The following FBXL4 variants were observed in gnomAD, a reference collection of about 807,000 sequenced individuals.
The protein encoded by FBXL4 is F-box/LRR-repeat protein 4.
FBXL4 carries 40 observed loss-of-function variants against 58.9 expected under a neutral mutation model. The observed-to-expected ratio is 0.68, with a 90% confidence interval of 0.53 to 0.88. The LOEUF is 0.88. Ranked by LOEUF, FBXL4 falls within the 40% of genes least tolerant of loss-of-function variation. FBXL4 has a pLI of 0.00. For missense variants in FBXL4, 676 were observed against 734.4 expected (o/e 0.92, Z 0.92); for synonymous variants, 263 against 265.5 (o/e 0.99, Z 0.09).
At position 98,871,733 on chromosome 6, in the gene FBXL4, A is replaced by G. The variant is rs1582353246; in HGVS notation, c.*2545T>C. 6.6e-6 allele frequency: 1 copy of G among 152,194 alleles called. No individual in the cohort carries two copies. Among genetic ancestry groups the G allele is most frequent in the South Asian group, 2.1e-4 (1 of 4,828 alleles). The allele number at this position is 152,194 out of a possible 1,614,324, so 9.4% of individuals were successfully genotyped here. A position where few individuals can be genotyped will look rare whatever the true frequency, so the allele number is the denominator to read the frequency against. On this transcript the variant is annotated 3_prime_UTR_variant, in exon 10 of 10. Coordinates refer to ENST00000369244, the MANE Select transcript of FBXL4 (RefSeq NM_001278716.2). The stretch of plus-strand genomic sequence containing the variant: ...GCAATGGTGAACTTCATTTGCTCTC[A>G]TAGTTTCTGATAGATTAAACATCAA...
chr6:98,947,585 C>T (rs1773671436), intron 1 of FBXL4, among the ~76,000 whole-genome samples: 1 of 152,208 alleles, frequency 6.6e-6, no homozygotes, highest in African/African-American at 2.4e-5. Flanking sequence ...GCCCGAGGCA[C>T]GTCAGCAGTT....
chr6:98,896,984 C>T (rs1771432768), intron 7 of FBXL4: 2 of 984,964 alleles, frequency 2.0e-6, no homozygotes, highest in Non-Finnish European at 2.4e-6. Context: ...CATTACTATA[C>T]AACATTTCAA....
In FBXL4 at chr6:98,871,081, C is replaced by T. The variant is rs889987461; in HGVS notation, c.*3197G>A. 1 of 79,446 alleles carries T rather than the reference C, an allele frequency of 1.3e-5. No individual in the cohort carries two copies. The highest frequency in any genetic ancestry group is 4.5e-5 in the African/African-American group (1 of 22,428). The allele number at this position is 79,446 out of a possible 1,614,324, so 4.9% of individuals were successfully genotyped here. A position where few individuals can be genotyped will look rare whatever the true frequency, so the allele number is the denominator to read the frequency against. Reference sequence around the variant, plus strand: ...TGGGCAAAAGAATGAGACTCAGTCTCAAAAAAAAAAAAAAACAAACTCAAA... The same window carrying T: ...TGGGCAAAAGAATGAGACTCAGTCTTAAAAAAAAAAAAAAACAAACTCAAA... On this transcript the variant is annotated 3_prime_UTR_variant, in exon 10 of 10. Transcript: ENST00000369244.
At chr6:98,910,422 G>A (rs558434293) in intron 5 of FBXL4, among the ~76,000 whole-genome samples, 1 of 152,302 alleles carries the variant, frequency 6.6e-6, no homozygotes, top group South Asian at 2.1e-4. Context: ...GGGAGGCCAA[G>A]GTGAGTGGAT....
intron 6 of FBXL4, 55 bp downstream of exon 6, chr6:98,905,371 T>C (rs541354990): frequency 7.6e-6 from 12 of 1,579,978 alleles, no homozygotes; most frequent in Admixed American, 3.6e-5. Flanking sequence ...CACTACATAA[T>C]AAGTATAACC....
intron 2 of FBXL4, among the ~76,000 whole-genome samples, chr6:98,932,609 A>T (rs1480452835): frequency 6.6e-6 from 1 of 152,228 alleles, no homozygotes; most frequent in African/African-American, 2.4e-5. Flanking sequence ...GCTGCCGAGA[A>T]GTCGGCTTGT....
intron 2 of FBXL4, among the ~76,000 whole-genome samples, chr6:98,931,174 T>C (rs1472542057): frequency 1.3e-5 from 2 of 152,238 alleles, no homozygotes; most frequent in African/African-American, 4.8e-5. Context: ...AAAACTGTGT[T>C]GTGCATTTTT....
At chr6:98,925,553 AGC>A (rs1480296116) in intron 4 of FBXL4, among the ~76,000 whole-genome samples, 2 of 152,214 alleles carry the variant, frequency 1.3e-5, no homozygotes, top group Non-Finnish European at 2.9e-5. Flanking sequence ...TGTTTATAAG[AGC>A]AAAAGACTAG....
rs1562212633 is a variant in FBXL4, at chr6:98,873,822, C to T, written c.*456G>A. The T allele has an allele frequency of 6.6e-6, 1 of 152,420 alleles. No homozygotes were observed. The highest frequency in any genetic ancestry group is 2.4e-5 in the African/African-American group (1 of 41,480). 9.4% of individuals were successfully genotyped at this position (152,420 alleles called of 1,614,324 possible). On this transcript the variant is annotated 3_prime_UTR_variant, in exon 10 of 10. Coordinates refer to ENST00000369244, the MANE Select transcript of FBXL4 (RefSeq NM_001278716.2). The stretch of plus-strand genomic sequence containing the variant: ...ACCAAACAGCTGGAAAAGCATGTCT[C>T]ATTCTCCAACTAGCTCTGACCATTT...
At chr6:98,898,107 G>A (rs1771469323) in intron 7 of FBXL4, among the ~76,000 whole-genome samples, 1 of 152,040 alleles carries the variant, frequency 6.6e-6, no homozygotes, top group Non-Finnish European at 1.5e-5. Flanking sequence ...AAACTAGAAG[G>A]GGTGCTACAG....
intron 7 of FBXL4, chr6:98,896,774 T>C (rs1771425670): frequency 1.9e-5 from 18 of 949,090 alleles, no homozygotes; most frequent in Non-Finnish European, 2.3e-5. Flanking sequence ...CATACAATGA[T>C]TTTACATCTG....
chr6:98,905,072 T>C (rs1771747662), intron 6 of FBXL4, among the ~76,000 whole-genome samples: 1 of 152,192 alleles, frequency 6.6e-6, no homozygotes, highest in South Asian at 2.1e-4. Flanking sequence ...CAAATCACAT[T>C]AGAGAGGTAG....
chr6:98,870,688 G>A lies in FBXL4; in HGVS notation c.*3590C>T, dbSNP rs1251160153. 6.6e-6 allele frequency: 1 copy of A among 152,162 alleles called. No homozygotes were observed. Among genetic ancestry groups the A allele is most frequent in the Non-Finnish European group, 1.5e-5 (1 of 68,026 alleles). 9.4% of individuals were successfully genotyped at this position (152,162 alleles called of 1,614,324 possible). On this transcript the variant is annotated 3_prime_UTR_variant, in exon 10 of 10. Transcript: ENST00000369244. ...AAAAAAAGAAAAGTAGACTTGAAGT[G>A]ACATTTTTAAGGCACATTAGTATAT...
chr6:98,887,808 G>A (rs1358715621), intron 7 of FBXL4, among the ~76,000 whole-genome samples: 3 of 152,278 alleles, frequency 2.0e-5, no homozygotes, highest in African/African-American at 7.2e-5. Context: ...TTAACAAGAG[G>A]TCAAATAGAA....
chr6:98,911,053 C>T (rs1053682525), intron 5 of FBXL4, among the ~76,000 whole-genome samples: 39 of 145,390 alleles, frequency 2.7e-4, no homozygotes, highest in Non-Finnish European at 4.3e-4. Context: ...GAGGGTCCTA[C>T]GCCCACGGAG....
rs1770483900 is a variant in FBXL4 at position 98,871,259 on chromosome 6, TG to T, written c.*3018del. ...TATTAAATTAGCCTTTTGGCAAGAATGGTTGCTTAAAGAATTGAGAACACTG... is the reference window on the plus strand; with the variant it reads ...TATTAAATTAGCCTTTTGGCAAGAATGTTGCTTAAAGAATTGAGAACACTG... On this transcript the variant is annotated 3_prime_UTR_variant, in exon 10 of 10. Coordinates refer to ENST00000369244, the MANE Select transcript of FBXL4 (RefSeq NM_001278716.2). 6.6e-6 allele frequency: 1 copy of T among 152,216 alleles called. No homozygotes were observed. The allele number at this position is 152,216 out of a possible 1,614,324, so 9.4% of individuals were successfully genotyped here. A position where few individuals can be genotyped will look rare whatever the true frequency, so the allele number is the denominator to read the frequency against.
intron 5 of FBXL4, among the ~76,000 whole-genome samples, chr6:98,913,531 A>G (rs1367828107): frequency 6.6e-6 from 1 of 152,224 alleles, no homozygotes; most frequent in Non-Finnish European, 1.5e-5. Flanking sequence ...CCGCTCAACT[A>G]CATGGAAACT....
chr6:98,875,335 T>C (rs777160683), intron 9 of FBXL4, 80 bp downstream of exon 9: 1 of 1,477,544 alleles, frequency 6.8e-7, no homozygotes, highest in Non-Finnish European at 9.3e-7. Flanking sequence ...AAATTTTCTT[T>C]TTCCTAACAA....
At position 98,882,620 on chromosome 6, in the gene FBXL4, C is replaced by T. The variant is rs6900291; in HGVS notation, c.1318-1996G>A. On this transcript the variant is annotated intron_variant, in intron 7 of 9. Coordinates refer to ENST00000369244, the MANE Select transcript of FBXL4 (RefSeq NM_001278716.2). Reference sequence around the variant, plus strand: ...GCCCATAATAACCATGTAGCCACCACTCAATTTATCAACTCAATATTTTGT... The same window carrying T: ...GCCCATAATAACCATGTAGCCACCATTCAATTTATCAACTCAATATTTTGT... Among the ~76,000 whole-genome samples, 858 of 151,982 alleles carry T rather than the reference C, an allele frequency of 5.6e-3. 12 individuals are homozygous for T. The highest frequency in any genetic ancestry group is 0.02 in the African/African-American group (816 of 41,516).
Sources: gnomAD v4.1 joint callset for allele counts (sites outside exome capture counted in the v4.1 genomes callset) on GRCh38, gnomAD v4.1.1 for gene constraint, MANE v1.5 for transcripts, NCBI Gene and HGNC (gene_info 2026-07-23, HGNC 2026-07-21) for gene names.